Variants in CELF2 observed in about 807,000 individuals in gnomAD.
CELF2 encodes CUGBP Elav-like family member 2.
In CELF2, 8 loss-of-function variants were observed where a neutral mutation model predicts 62.6. The observed-to-expected ratio is 0.13, with a 90% CI of 0.07 to 0.23. CELF2 has a LOEUF of 0.23. Among genes scored for constraint, CELF2 ranks in the 10% least tolerant of loss-of-function variants. The pLI, the probability that CELF2 is intolerant of heterozygous loss-of-function variation, is 1.00. For missense variants in CELF2, 333 were observed against 671.0 expected, an observed-to-expected ratio of 0.50 and a Z score of 5.56; for synonymous variants, 258 against 250.0, an observed-to-expected ratio of 1.03 and a Z score of -0.30.
At chr10:10,826,955 G>A (rs117633591) in intron 1 of CELF2, among the ~76,000 whole-genome samples, 2,796 of 152,274 alleles carry the variant, frequency 0.018, 37 homozygotes, top group Non-Finnish European at 0.022. Context: ...AACTGGTTGG[G>A]AATAAAATGC....
intron 1 of CELF2, among the ~76,000 whole-genome samples, chr10:10,812,316 A>G (rs567134073): frequency 2.0e-5 from 3 of 152,292 alleles, no homozygotes; most frequent in African/African-American, 7.2e-5. Flanking sequence ...TGAGAACGGT[A>G]TGGGTGAAAC....
At chr10:10,531,530 C>T in the CELF2 span, among the ~76,000 whole-genome samples, 2 of 152,178 alleles carry the variant, frequency 1.3e-5, no homozygotes, top group East Asian at 1.9e-4. Flanking sequence ...ACTTCACATC[C>T]TATTCTGAAT....
chr10:10,671,041 C>T, the CELF2 span, among the ~76,000 whole-genome samples: 1 of 151,978 alleles, frequency 6.6e-6, no homozygotes, highest in Admixed American at 6.5e-5. Context: ...GTGGCATGTA[C>T]CTGCAGGCCC....
chr10:10,616,295 GGTGTGTGT>G, the CELF2 span, among the ~76,000 whole-genome samples: 19 of 143,954 alleles, frequency 1.3e-4, no homozygotes, highest in East Asian at 2.0e-4. Flanking sequence ...TTTTGTTTGG[GGTGTGTGT>G]GTGTGTGTGT....
chr10:11,173,801 A>G (rs2069882553), intron 2 of CELF2, among the ~76,000 whole-genome samples: 1 of 152,234 alleles, frequency 6.6e-6, no homozygotes, highest in Admixed American at 6.5e-5. Context: ...AATAATCATT[A>G]TGATCTTCGA....
In CELF2 at chr10:11,011,487, A is replaced by C. The variant is rs1479396782; in HGVS notation, c.53+6047A>C. Among the ~76,000 whole-genome samples the C allele has an allele frequency of 6.6e-6, 1 of 151,438 alleles. No homozygotes were observed. Among genetic ancestry groups the C allele is most frequent in the Non-Finnish European group, 1.5e-5 (1 of 67,876 alleles). On this transcript the variant is annotated intron_variant, in intron 1 of 12. Transcript: ENST00000416382. This position sits in a 1 kb window ranked among gnomAD's most constrained non-coding sequence, Gnocchi z 4.6. ...ATTAAAAAAAAAAAAAACGCAAAATACAATCCTTAGCTTCATCTCCTTTCT... is the reference window on the plus strand; with the variant it reads ...ATTAAAAAAAAAAAAAACGCAAAATCCAATCCTTAGCTTCATCTCCTTTCT...
chr10:11,050,242 A>G (rs1394762772), intron 1 of CELF2, among the ~76,000 whole-genome samples: 4 of 152,224 alleles, frequency 2.6e-5, no homozygotes, highest in Admixed American at 1.3e-4. Context: ...TTGTCCGTGA[A>G]GTGTTCAGAG....
intron 1 of CELF2, among the ~76,000 whole-genome samples, chr10:11,139,606 A>T (rs1409021355): frequency 6.6e-6 from 1 of 152,234 alleles, no homozygotes; most frequent in African/African-American, 2.4e-5. Context: ...GTAACCTACA[A>T]GGAAGGTATC....
intron 2 of CELF2, among the ~76,000 whole-genome samples, chr10:10,925,508 G>A (rs1748358276): frequency 6.6e-6 from 1 of 152,082 alleles, no homozygotes; most frequent in Admixed American, 6.5e-5. Context: ...TGGTTCAGTG[G>A]CATGAAGAAG....
the CELF2 span, among the ~76,000 whole-genome samples, chr10:10,750,574 T>C: frequency 6.6e-6 from 1 of 152,280 alleles, no homozygotes; most frequent in African/African-American, 2.4e-5. Flanking sequence ...GATTAAATAC[T>C]GTCCATTTCC....
At chr10:11,135,835 T>C (rs1205315624) in intron 1 of CELF2, among the ~76,000 whole-genome samples, 1 of 152,086 alleles carries the variant, frequency 6.6e-6, no homozygotes, top group African/African-American at 2.4e-5. Context: ...GGTCTGTAAA[T>C]AATGTGTATG....
chr10:11,120,827 C>T (rs1231252333), intron 1 of CELF2, among the ~76,000 whole-genome samples: 5 of 152,128 alleles, frequency 3.3e-5, no homozygotes, highest in South Asian at 2.1e-4. Flanking sequence ...GTGAGACTTA[C>T]GGCAGCACTA....
chr10:10,647,740 T>G, the CELF2 span, among the ~76,000 whole-genome samples: 1 of 152,240 alleles, frequency 6.6e-6, no homozygotes, highest in Non-Finnish European at 1.5e-5. Flanking sequence ...GTGTGTATTT[T>G]TATCTTCCAT....
At chr10:10,495,391 T>C in the CELF2 span, among the ~76,000 whole-genome samples, 1 of 152,208 alleles carries the variant, frequency 6.6e-6, no homozygotes, top group Non-Finnish European at 1.5e-5. Flanking sequence ...CTTACCATGA[T>C]GTATGTGGAC....
the CELF2 span, among the ~76,000 whole-genome samples, chr10:10,725,155 T>C: frequency 1.3e-5 from 2 of 152,254 alleles, no homozygotes; most frequent in Non-Finnish European, 2.9e-5. Context: ...AGGGTGGCTT[T>C]CTTTCTGTAT....
chr10:10,572,506 C>A, the CELF2 span, among the ~76,000 whole-genome samples: 1 of 151,994 alleles, frequency 6.6e-6, no homozygotes, highest in Non-Finnish European at 1.5e-5. Context: ...TCTCCCTCCC[C>A]CACCCCACCT....
chr10:10,948,643 G>A (rs909808096), intron 2 of CELF2, among the ~76,000 whole-genome samples: 3 of 152,158 alleles, frequency 2.0e-5, no homozygotes, highest in Non-Finnish European at 4.4e-5. Flanking sequence ...CCTAGGCTGG[G>A]AGGGCTGCCT....
intron 1 of CELF2, among the ~76,000 whole-genome samples, chr10:11,032,984 A>G (rs577109185): frequency 6.6e-6 from 1 of 152,364 alleles, no homozygotes; most frequent in South Asian, 2.1e-4. Flanking sequence ...TACAAAGATT[A>G]CCAATTAGGT....
At chr10:10,801,069 C>T (rs1012406165) in intron 1 of CELF2, among the ~76,000 whole-genome samples, 5 of 99,420 alleles carry the variant, frequency 5.0e-5, no homozygotes, top group East Asian at 4.9e-4. Context: ...AGTCTTAACC[C>T]GTTTTTAAAA....
Sources: allele counts gnomAD v4.1 joint callset (sites outside exome capture counted in the v4.1 genomes callset), GRCh38; gene constraint gnomAD v4.1.1; non-coding constraint Gnocchi (gnomAD v3.1); transcripts MANE v1.5; gene names NCBI Gene and HGNC (gene_info 2026-07-23, HGNC 2026-07-21).